PRKCA: variants seen among roughly 807,000 people sequenced by gnomAD.
PRKCA encodes protein kinase C alpha, also known as protein kinase C alpha type.
Under a neutral mutation model 87.0 loss-of-function variants are expected in PRKCA, and 27 were observed. The observed-to-expected ratio is 0.31, with a 90% CI of 0.23 to 0.43. PRKCA has a LOEUF of 0.43. Ranked by LOEUF, PRKCA falls within the 20% of genes least tolerant of loss-of-function variation. The pLI is 1.00. For missense variants in PRKCA, 518 were observed against 852.3 expected, an observed-to-expected ratio of 0.61 and a Z score of 4.88; for synonymous variants, 329 against 311.1, an observed-to-expected ratio of 1.06 and a Z score of -0.61.
At chr17:66,470,748 C>G (rs914145020) in intron 2 of PRKCA, among the ~76,000 whole-genome samples, 1 of 152,102 alleles carries the variant, frequency 6.6e-6, no homozygotes, top group Non-Finnish European at 1.5e-5. Flanking sequence ...ATTAGGGGGA[C>G]GAGCAGAGGC....
In PRKCA at chr17:66,732,766, C is replaced by T. The variant is rs749845868; in HGVS notation, c.997C>T (p.Arg333Ter). Residue 333 changes from arginine (R) to a stop codon, truncating the protein, a stop_gained, in exon 9 of 17, where the codon CGA (arginine) becomes TGA (stop). Transcript: ENST00000413366. LOFTEE classifies it high-confidence loss of function. ...DRKQPSNNLDRVKLTDFNFLM... is the reference protein window; with the variant it reads ...DRKQPSNNLD Reference sequence around the variant, plus strand: ...GAAACAACCTTCCAACAACCTTGACCGAGTGAAACTCACGGACTTCAATTT... The same window carrying T: ...GAAACAACCTTCCAACAACCTTGACTGAGTGAAACTCACGGACTTCAATTT... The T allele has an allele frequency of 6.2e-7, 1 of 1,614,156 alleles. No individual in the cohort carries two copies. Among genetic ancestry groups the T allele is most frequent in the Admixed American group, 1.7e-5 (1 of 60,016 alleles).
At chr17:66,474,891 A>G (rs1039805942) in intron 2 of PRKCA, among the ~76,000 whole-genome samples, 1 of 152,130 alleles carries the variant, frequency 6.6e-6, no homozygotes, top group African/African-American at 2.4e-5. Context: ...TGCAGCAGCA[A>G]CAGCTCTGGT....
intron 3 of PRKCA, among the ~76,000 whole-genome samples, chr17:66,539,407 CTTT>C (rs961589508): frequency 7.0e-6 from 1 of 143,432 alleles, no homozygotes; most frequent in Admixed American, 7.0e-5. Flanking sequence ...GCTTTGAAAT[CTTT>C]TTTTTTTTTT....
At chr17:66,376,647 G>A (rs547907338) in intron 2 of PRKCA, among the ~76,000 whole-genome samples, 1 of 152,114 alleles carries the variant, frequency 6.6e-6, no homozygotes, top group East Asian at 1.9e-4. Context: ...TAGGTCGTCT[G>A]CTGGGTGAGG....
At chr17:66,630,047 A>G (rs1309933415) in intron 3 of PRKCA, among the ~76,000 whole-genome samples, 2 of 152,184 alleles carry the variant, frequency 1.3e-5, no homozygotes. Flanking sequence ...TTATTTCAAA[A>G]TAAATGTTTT....
At chr17:66,370,799 G>GC (rs1421000472) in intron 2 of PRKCA, among the ~76,000 whole-genome samples, 1 of 151,988 alleles carries the variant, frequency 6.6e-6, no homozygotes, top group Non-Finnish European at 1.5e-5. Context: ...ATCCACCACT[G>GC]CCCATCCTAT....
chr17:66,401,738 G>A (rs745608936), intron 2 of PRKCA, among the ~76,000 whole-genome samples: 2 of 152,210 alleles, frequency 1.3e-5, no homozygotes, highest in African/African-American at 2.4e-5. Flanking sequence ...TTAAGTGTAT[G>A]AGTGGTGAGA....
chr17:66,625,825 C>T (rs969285880), intron 3 of PRKCA, among the ~76,000 whole-genome samples: 1 of 152,236 alleles, frequency 6.6e-6, no homozygotes, highest in African/African-American at 2.4e-5. Context: ...GATTTTACCA[C>T]TTAACTATCC....
intron 2 of PRKCA, among the ~76,000 whole-genome samples, chr17:66,424,205 A>G (rs772148732): frequency 1.3e-5 from 2 of 152,038 alleles, no homozygotes; most frequent in Non-Finnish European, 2.9e-5. Context: ...TCTGGATATT[A>G]CGCATGATGA....
chr17:66,429,779 A>G (rs16959264), intron 2 of PRKCA, among the ~76,000 whole-genome samples: 5,666 of 152,260 alleles, frequency 0.037, 185 homozygotes, highest in East Asian at 0.17. Flanking sequence ...TCATGAGAGT[A>G]TACATTGGGT....
At chr17:66,413,164 C>G (rs1360548082) in intron 2 of PRKCA, among the ~76,000 whole-genome samples, 2 of 152,214 alleles carry the variant, frequency 1.3e-5, no homozygotes, top group Non-Finnish European at 2.9e-5. Flanking sequence ...GTGCTCCTGA[C>G]TGACTGTCTC....
chr17:66,330,590 A>G (rs556384410), intron 2 of PRKCA, among the ~76,000 whole-genome samples: 1 of 152,328 alleles, frequency 6.6e-6, no homozygotes, highest in Admixed American at 6.5e-5. Flanking sequence ...GTAGGCAAGC[A>G]TTTGTTGCTG....
At position 66,572,477 on chromosome 17, in the gene PRKCA, A is replaced by AAAAAAAAAGAATATCAGT. The variant is rs1969110662; in HGVS notation, c.289-68875_289-68858dup. Among the ~76,000 whole-genome samples, 3 of 151,642 alleles carry AAAAAAAAAGAATATCAGT rather than the reference A, an allele frequency of 2.0e-5. No homozygotes were observed. In the South Asian group the frequency reaches 6.3e-4, roughly 32 times the overall value. On this transcript the variant is annotated intron_variant, in intron 3 of 16. Transcript: ENST00000413366. ...GCAAGGCTCCATCTCAGGGGGAGGA[A>AAAAAAAAAGAATATCAGT]AAAAAAAAGAATATCAGTAACTGAG... is the stretch of plus-strand genomic sequence containing the variant.
At chr17:66,645,745 A>G (rs993589828) in intron 5 of PRKCA, among the ~76,000 whole-genome samples, 4 of 152,180 alleles carry the variant, frequency 2.6e-5, no homozygotes, top group Admixed American at 2.0e-4. Context: ...ATGTCACACA[A>G]AGTCACAAGC....
At chr17:66,445,656 G>C (rs139248202) in intron 2 of PRKCA, among the ~76,000 whole-genome samples, 1 of 152,204 alleles carries the variant, frequency 6.6e-6, no homozygotes, top group Admixed American at 6.5e-5. Flanking sequence ...CGGCCTTGCT[G>C]TGTGTCCTGG....
intron 5 of PRKCA, among the ~76,000 whole-genome samples, chr17:66,666,754 T>C (rs983784519): frequency 6.6e-6 from 1 of 152,192 alleles, no homozygotes; most frequent in Non-Finnish European, 1.5e-5. Context: ...AAATGATATG[T>C]AGAATTTTGT....
At position 66,792,242 on chromosome 17, in the gene PRKCA, T is replaced by C. The variant is rs964725059; in HGVS notation, c.1854+3263T>C. Among the ~76,000 whole-genome samples, 6 of 152,214 alleles carry C rather than the reference T, an allele frequency of 3.9e-5. No individual in the cohort carries two copies. The highest frequency in any genetic ancestry group is 1.2e-4 in the African/African-American group (5 of 41,464). On this transcript the variant is annotated intron_variant, in intron 16 of 16. Coordinates refer to ENST00000413366, the MANE Select transcript of PRKCA (RefSeq NM_002737.3). This position sits in a 1 kb window ranked among gnomAD's most constrained non-coding sequence, Gnocchi z 4.5. ...CGTGCGGTGATGCTCCTGGCTCCCA[T>C]GGAATTAAACCTTTGCTTACTACCA...
At chr17:66,707,819 C>T (rs71379993) in intron 8 of PRKCA, among the ~76,000 whole-genome samples, 13 of 152,164 alleles carry the variant, frequency 8.5e-5, no homozygotes, top group Non-Finnish European at 1.5e-4. Flanking sequence ...AGTAGCTAGC[C>T]TAGATCAGCG....
Position 66,803,652 on chromosome 17 carries a change from C to T in PRKCA, c.1855-221C>T, listed in dbSNP as rs536551940. 2.6e-5 allele frequency among the ~76,000 whole-genome samples: 4 copies of T among 152,264 alleles called. No individual in the cohort carries two copies. The South Asian group carries it at 8.3e-4, about 32-fold the overall frequency. On this transcript the variant is annotated intron_variant, in intron 16 of 16. Coordinates refer to ENST00000413366, the MANE Select transcript of PRKCA (RefSeq NM_002737.3). The surrounding 1 kb of genome is among the most constrained non-coding windows in gnomAD (Gnocchi z 4.4). ...CCAGCCGTGCAATTCCCACCCAGGG[C>T]TTCTGTTCGGGGTGTTTCAGGGTTT...
Sources: gnomAD v4.1 joint callset for allele counts (sites outside exome capture counted in the v4.1 genomes callset) on GRCh38, gnomAD v4.1.1 for gene constraint, Gnocchi (gnomAD v3.1) non-coding constraint, MANE v1.5 for transcripts, NCBI Gene and HGNC (gene_info 2026-07-23, HGNC 2026-07-21) for gene names.